LAMA3: variants seen among roughly 807,000 people sequenced by gnomAD.
LAMA3 encodes laminin subunit alpha-3.
In LAMA3, 281 loss-of-function variants were observed where a neutral mutation model predicts 402.0. That is an observed-to-expected ratio of 0.70 (90% CI 0.63 to 0.77). The LOEUF is 0.77. Among genes scored for constraint, LAMA3 ranks in the 30% least tolerant of loss-of-function variants. LAMA3 has a pLI of 0.00. For missense variants in LAMA3, 3,840 were observed against 4,215.5 expected (o/e 0.91, Z 2.47); for synonymous variants, 1,431 against 1,558.4 (o/e 0.92, Z 1.93).
At chr18:23,907,092 G>A (rs1215489104) in intron 52 of LAMA3, among the ~76,000 whole-genome samples, 1 of 152,214 alleles carries the variant, frequency 6.6e-6, no homozygotes, top group Non-Finnish European at 1.5e-5. Context: ...CTTGTCCTCT[G>A]ATGGAAGAGG....
chr18:23,946,377 G>A, intron 70 of LAMA3, 93 bp downstream of exon 70: 1 of 1,302,740 alleles, frequency 7.7e-7, no homozygotes, highest in Non-Finnish European at 1.1e-6. Context: ...CACCATATGA[G>A]AATCTCAAAA....
At chr18:23,710,431 C>T (rs2060970457) in intron 1 of LAMA3, 1 of 221,378 alleles carries the variant, frequency 4.5e-6, no homozygotes, top group Non-Finnish European at 8.8e-6. Context: ...CCTTGGCCTC[C>T]CTGAGAAAGT....
intron 14 of LAMA3, among the ~76,000 whole-genome samples, chr18:23,813,698 C>T (rs1192904848): frequency 6.6e-6 from 1 of 151,798 alleles, no homozygotes; most frequent in Non-Finnish European, 1.5e-5. Context: ...CGCCCCACCA[C>T]ACCTGGCTAA....
Position 23,932,288 on chromosome 18 carries a change from A to C in LAMA3, c.8705A>C (p.Gln2902Pro). Residue 2902 changes from glutamine to proline, a missense_variant, in exon 66 of 75, where the codon CAG becomes CCG. Gln to Pro is a moderately conservative substitution (Grantham distance 76, BLOSUM62 -1). Transcript: ENST00000313654. ...FEGCISNVFV[Q>P]RLSLSPEVLD... Reference sequence around the variant, plus strand: ...GGTTGTATTAGCAATGTTTTTGTCCAGAGGTAGGTGATCCTCTCTTTGTGG... The same window carrying C: ...GGTTGTATTAGCAATGTTTTTGTCCCGAGGTAGGTGATCCTCTCTTTGTGG... 1 of 1,613,934 alleles carries C rather than the reference A, an allele frequency of 6.2e-7. No homozygotes were observed. The highest frequency in any genetic ancestry group is 8.5e-7 in the Non-Finnish European group (1 of 1,179,836).
intron 5 of LAMA3, among the ~76,000 whole-genome samples, chr18:23,751,643 G>C (rs898178946): frequency 2.0e-5 from 3 of 152,154 alleles, no homozygotes; most frequent in African/African-American, 7.2e-5. Context: ...TCATATCATA[G>C]CCTCACTTAG....
intron 1 of LAMA3, among the ~76,000 whole-genome samples, chr18:23,701,292 G>T (rs1043283318): frequency 6.6e-6 from 1 of 152,232 alleles, no homozygotes; most frequent in African/African-American, 2.4e-5. Flanking sequence ...AGAGATGGAA[G>T]AGCTGAGTTG....
intron 2 of LAMA3, among the ~76,000 whole-genome samples, chr18:23,729,171 G>A (rs1217194057): frequency 6.6e-6 from 1 of 151,950 alleles, no homozygotes; most frequent in Middle Eastern, 3.4e-3. Context: ...TGTAGAGAGA[G>A]AGAGAGACAG....
At chr18:23,867,405 A>G (rs1014780672) in intron 36 of LAMA3, among the ~76,000 whole-genome samples, 1 of 151,956 alleles carries the variant, frequency 6.6e-6, no homozygotes, top group African/African-American at 2.4e-5. Flanking sequence ...AAAAATAAGA[A>G]GGGTGTGGTG....
At chr18:23,797,877 C>T (rs2062796472) in intron 12 of LAMA3, among the ~76,000 whole-genome samples, 1 of 152,148 alleles carries the variant, frequency 6.6e-6, no homozygotes, top group Non-Finnish European at 1.5e-5. Flanking sequence ...CTTTGACTCA[C>T]TGAAGTGCCC....
chr18:23,789,819 G>A (rs1454733516), intron 12 of LAMA3, among the ~76,000 whole-genome samples: 1 of 152,184 alleles, frequency 6.6e-6, no homozygotes, highest in African/African-American at 2.4e-5. Context: ...GAATTGTATG[G>A]TATATGAATT....
At chr18:23,703,883 C>A (rs1008247826) in intron 1 of LAMA3, among the ~76,000 whole-genome samples, 1 of 152,196 alleles carries the variant, frequency 6.6e-6, no homozygotes, top group Non-Finnish European at 1.5e-5. Context: ...CCCAAATCTT[C>A]AGTAACCACA....
At chr18:23,904,315 G>A (rs1269701934) in intron 50 of LAMA3, among the ~76,000 whole-genome samples, 1 of 152,148 alleles carries the variant, frequency 6.6e-6, no homozygotes, top group Non-Finnish European at 1.5e-5. Context: ...CATCACCTCA[G>A]GTATCCACTT....
intron 3 of LAMA3, 64 bp downstream of exon 3, chr18:23,748,124 G>A (rs9955745): frequency 1.0e-6 from 1 of 994,322 alleles, no homozygotes; most frequent in Non-Finnish European, 1.6e-6. Context: ...AAAGACTATG[G>A]ATTTAATTAG....
intron 64 of LAMA3, 44 bp from the exon 65 acceptor site, chr18:23,931,018 T>G: frequency 6.5e-7 from 1 of 1,543,818 alleles, no homozygotes; most frequent in Non-Finnish European, 9.0e-7. Flanking sequence ...GGCATAATCC[T>G]TATATGCAAA....
At chr18:23,954,404 A>T in intron 74 of LAMA3, 99 bp from the exon 75 acceptor site, 1 of 559,020 alleles carries the variant, frequency 1.8e-6, no homozygotes, top group Non-Finnish European at 2.6e-6. Context: ...CCCTGTCTAA[A>T]AAAAAAAAAA....
At chr18:23,752,903 A>G (rs897499201) in intron 5 of LAMA3, among the ~76,000 whole-genome samples, 8 of 152,250 alleles carry the variant, frequency 5.3e-5, no homozygotes, top group African/African-American at 1.9e-4. Flanking sequence ...CACTGGCAGC[A>G]TGGCCTCAAT....
At chr18:23,702,651 G>A (rs2060812010) in intron 1 of LAMA3, among the ~76,000 whole-genome samples, 1 of 152,208 alleles carries the variant, frequency 6.6e-6, no homozygotes, top group South Asian at 2.1e-4. Flanking sequence ...TTACCTGGTT[G>A]TGTCTGACTC....
chr18:23,801,959 G>GA (rs1309249557), intron 12 of LAMA3, among the ~76,000 whole-genome samples: 2 of 152,046 alleles, frequency 1.3e-5, no homozygotes, highest in African/African-American at 4.8e-5. Context: ...CGCATATACA[G>GA]AAAAAACATA....
At chr18:23,769,480 C>G (rs1022528117) in intron 8 of LAMA3, among the ~76,000 whole-genome samples, 1 of 152,054 alleles carries the variant, frequency 6.6e-6, no homozygotes, top group African/African-American at 2.4e-5. Flanking sequence ...ACAATATTAA[C>G]TCTAATTTGA....
Sources: gnomAD v4.1 joint callset for allele counts (sites outside exome capture counted in the v4.1 genomes callset) on GRCh38, gnomAD v4.1.1 for gene constraint, MANE v1.5 for transcripts, NCBI Gene and HGNC (gene_info 2026-07-23, HGNC 2026-07-21) for gene names.